Variants in OSBPL10 observed in about 807,000 individuals in gnomAD.
OSBPL10 encodes the protein oxysterol binding protein like 10.
OSBPL10 carries 49 observed loss-of-function variants against 81.7 expected under a neutral mutation model. The observed-to-expected ratio is 0.60, with a 90% CI of 0.48 to 0.76. The LOEUF (loss-of-function observed/expected upper bound fraction) is 0.76, where lower values mean the gene tolerates loss of function less well. Ranked by LOEUF, OSBPL10 falls within the 30% of genes least tolerant of loss-of-function variation. The pLI is 0.00. For synonymous variants in OSBPL10, 419 were observed against 383.6 expected, an observed-to-expected ratio of 1.09 and a Z score of -1.08; for missense variants, 923 against 987.8, an observed-to-expected ratio of 0.93 and a Z score of 0.88.
rs577726772 is a variant in OSBPL10 at position 32,058,375 on chromosome 3, G to T, written n.186-11772C>A. On this transcript the variant is annotated intron_variant and non_coding_transcript_variant, in intron 1 of 3. Coordinates refer to the OSBPL10 transcript ENST00000479173. ...AGACAGAGTTTTGCTCTGTCACCCA[G>T]GCTGGAGTGAGACATGACCTCGGCT... is the stretch of plus-strand genomic sequence containing the variant. Among the ~76,000 whole-genome samples, 16 of 152,214 alleles carry T rather than the reference G, an allele frequency of 1.1e-4. No individual in the cohort carries two copies. In the South Asian group the frequency reaches 3.3e-3, roughly 32 times the overall value.
At chr3:31,991,523 GT>G (rs1699029364) in intron 2 of OSBPL10, 2 of 166,738 alleles carry the variant, frequency 1.2e-5, no homozygotes, top group Middle Eastern at 3.4e-3. Context: ...AAATGGAAGT[GT>G]TTTCTTAATT....
rs187548274 is a variant in OSBPL10, at chr3:32,061,696, C to T, written n.186-15093G>A. On this transcript the variant is annotated intron_variant and non_coding_transcript_variant, in intron 1 of 3. Transcript: ENST00000479173. Reference sequence around the variant, plus strand: ...TGTGGCCCAGGCTGGAGTACAGTGGCACAATGATCACAGCTCACTGCAGCC... The same window carrying T: ...TGTGGCCCAGGCTGGAGTACAGTGGTACAATGATCACAGCTCACTGCAGCC... Among the ~76,000 whole-genome samples, 8 of 93,332 alleles carry T rather than the reference C, an allele frequency of 8.6e-5. 2 individuals are homozygous for T. The highest frequency in any genetic ancestry group is 2.2e-4 in the African/African-American group (8 of 36,352). The allele number at this position is 93,332 out of a possible 152,430, so 61.2% of individuals were successfully genotyped here. A position where few individuals can be genotyped will look rare whatever the true frequency, so the allele number is the denominator to read the frequency against.
intron 6 of OSBPL10, among the ~76,000 whole-genome samples, chr3:31,726,578 T>C (rs1157358826): frequency 6.6e-6 from 1 of 152,116 alleles, no homozygotes; most frequent in Non-Finnish European, 1.5e-5. Flanking sequence ...CCACCCAAAG[T>C]GCTGGAATTA....
intron 1 of OSBPL10, among the ~76,000 whole-genome samples, chr3:31,949,658 ACT>A (rs1697810364): frequency 2.8e-5 from 3 of 105,824 alleles, no homozygotes; most frequent in Non-Finnish European, 1.8e-5. Context: ...ACAGAGCAAG[ACT>A]CTGTCTCAAA....
chr3:32,057,752 C>T (rs1173554582), intron 1 of OSBPL10, among the ~76,000 whole-genome samples: 1 of 152,146 alleles, frequency 6.6e-6, no homozygotes, highest in Non-Finnish European at 1.5e-5. Flanking sequence ...AGGACACAAG[C>T]CTAACCATAT....
chr3:31,811,335 G>T (rs1186280141), intron 4 of OSBPL10, among the ~76,000 whole-genome samples: 1 of 152,206 alleles, frequency 6.6e-6, no homozygotes, highest in South Asian at 2.1e-4. Flanking sequence ...ACCCGGAGAG[G>T]CCTGGGCTCA....
intron 1 of OSBPL10, among the ~76,000 whole-genome samples, chr3:31,946,863 G>A (rs1697718109): frequency 9.4e-6 from 1 of 106,160 alleles, no homozygotes; most frequent in African/African-American, 4.4e-5. Context: ...AGAAGAAGAG[G>A]AGCTTGGGCT....
intron 1 of OSBPL10, among the ~76,000 whole-genome samples, chr3:32,072,785 G>T (rs572494173): frequency 5.3e-4 from 80 of 152,246 alleles, no homozygotes; most frequent in Non-Finnish European, 7.8e-4. Flanking sequence ...TCTTGGTCTG[G>T]GTAGACACTT....
rs966627799 is a variant in OSBPL10, at chr3:31,895,134, C to A, written c.282-15304G>T. The stretch of plus-strand genomic sequence containing the variant: ...GCTGCATATTAGAATTCTCTGCGGC[C>A]TTTTTTTTTTTTTTTTTTAGACGGA... On this transcript the variant is annotated intron_variant, in intron 1 of 11. Transcript: ENST00000396556. Among the ~76,000 whole-genome samples the A allele has an allele frequency of 8.0e-5, 10 of 124,896 alleles. No individual in the cohort carries two copies. In the Middle Eastern group the frequency reaches 0.014, roughly 173 times the overall value. 81.9% of individuals were successfully genotyped at this position (124,896 alleles called of 152,430 possible). A position where few individuals can be genotyped will look rare whatever the true frequency, so the allele number is the denominator to read the frequency against.
intron 2 of OSBPL10, among the ~76,000 whole-genome samples, chr3:32,040,448 C>T (rs1281298134): frequency 1.3e-5 from 2 of 151,986 alleles, no homozygotes; most frequent in East Asian, 3.9e-4. Flanking sequence ...TGGTGGCATG[C>T]ACCTGTAGTC....
chr3:31,802,330 G>A (rs1699402850), intron 4 of OSBPL10, among the ~76,000 whole-genome samples: 1 of 151,240 alleles, frequency 6.6e-6, no homozygotes. Context: ...GGCCAAGGCG[G>A]ACAGATCATC....
At chr3:31,818,132 C>G (rs1325339026) in intron 4 of OSBPL10, among the ~76,000 whole-genome samples, 1 of 151,948 alleles carries the variant, frequency 6.6e-6, no homozygotes, top group Non-Finnish European at 1.5e-5. Flanking sequence ...AAAAAACACC[C>G]TCACATGTTT....
At chr3:31,870,055 T>C (rs1701279642) in intron 3 of OSBPL10, among the ~76,000 whole-genome samples, 1 of 152,198 alleles carries the variant, frequency 6.6e-6, no homozygotes. Flanking sequence ...CGCTGCACTG[T>C]GGGAGCCCCT....
Position 31,733,871 on chromosome 3 carries a change from G to A in OSBPL10, c.941-460C>T, listed in dbSNP as rs543826988. On this transcript the variant is annotated intron_variant, in intron 5 of 11. Coordinates refer to ENST00000396556, the MANE Select transcript of OSBPL10 (RefSeq NM_017784.5). ...TAAAAATACAAAAAATTAGCTGGGC[G>A]TGGTGGCGGGCACCTGTAGTCCCAG... Among the ~76,000 whole-genome samples the A allele has an allele frequency of 4.0e-5, 6 of 151,870 alleles. No individual in the cohort carries two copies. The South Asian group carries it at 6.3e-4, about 16-fold the overall frequency.
intron 1 of OSBPL10, among the ~76,000 whole-genome samples, chr3:31,905,895 G>GAAA (rs59527757): frequency 2.1e-5 from 3 of 144,406 alleles, no homozygotes; most frequent in Non-Finnish European, 4.6e-5. Context: ...CTCAAAGAAG[G>GAAA]AAAAAAAAAA....
At chr3:32,005,977 C>A (rs1490498455) in intron 2 of OSBPL10, among the ~76,000 whole-genome samples, 1 of 151,498 alleles carries the variant, frequency 6.6e-6, no homozygotes, top group African/African-American at 2.4e-5. Flanking sequence ...CAGAGTCTTG[C>A]TCTGTCACCC....
intron 4 of OSBPL10, among the ~76,000 whole-genome samples, chr3:31,748,896 G>A (rs1436858275): frequency 1.3e-5 from 2 of 152,136 alleles, no homozygotes; most frequent in East Asian, 3.8e-4. Flanking sequence ...GACTTTAATG[G>A]TTATCTTGTG....
chr3:31,968,223 A>T (rs2125484095), intron 1 of OSBPL10, among the ~76,000 whole-genome samples: 1 of 151,968 alleles, frequency 6.6e-6, no homozygotes, highest in Middle Eastern at 3.4e-3. Context: ...TCAAATCTGT[A>T]GACTTTATAC....
intron 2 of OSBPL10, among the ~76,000 whole-genome samples, chr3:32,024,809 G>C (rs1395844309): frequency 2.0e-5 from 3 of 152,028 alleles, no homozygotes; most frequent in Non-Finnish European, 2.9e-5. Context: ...TGAATAGTTT[G>C]TTGCTAGAAC....
Sources: allele counts gnomAD v4.1 joint callset (sites outside exome capture counted in the v4.1 genomes callset), GRCh38; gene constraint gnomAD v4.1.1; transcripts MANE v1.5; gene names NCBI Gene and HGNC (gene_info 2026-07-23, HGNC 2026-07-21).